Variants in PLCB1 observed in about 807,000 individuals in gnomAD.
The protein encoded by PLCB1 is phospholipase C beta 1, also known as 1-phosphatidylinositol 4,5-bisphosphate phosphodiesterase beta-1.
In PLCB1, 46 loss-of-function variants were observed where a neutral mutation model predicts 161.8. That is an observed-to-expected ratio of 0.28 (90% CI 0.22 to 0.36). The LOEUF is 0.36. PLCB1 is among the 10% of genes least tolerant of loss of function. The pLI, the probability that PLCB1 is intolerant of heterozygous loss-of-function variation, is 1.00. For synonymous variants in PLCB1, 517 were observed against 503.7 expected (o/e 1.03, Z -0.35); for missense variants, 1,016 against 1,472.5 (o/e 0.69, Z 5.07).
At chr20:8,625,780 C>G (rs879717088) in intron 3 of PLCB1, among the ~76,000 whole-genome samples, 1 of 152,140 alleles carries the variant, frequency 6.6e-6, no homozygotes, top group Non-Finnish European at 1.5e-5. Context: ...TCCTCAAATA[C>G]TTACCCTTCA....
intron 31 of PLCB1, among the ~76,000 whole-genome samples, chr20:8,856,555 T>C (rs966020279): frequency 6.6e-6 from 1 of 151,340 alleles, no homozygotes; most frequent in East Asian, 2.0e-4. Context: ...AGGTGGAGTT[T>C]ACAGTGAGCC....
chr20:8,557,161 G>A (rs1040337636), intron 3 of PLCB1, among the ~76,000 whole-genome samples: 1 of 151,628 alleles, frequency 6.6e-6, no homozygotes, highest in Non-Finnish European at 1.5e-5. Context: ...AATAAACATA[G>A]AGTTACCATA....
chr20:8,513,438 A>G (rs1983976748), intron 3 of PLCB1, among the ~76,000 whole-genome samples: 1 of 152,258 alleles, frequency 6.6e-6, no homozygotes, highest in African/African-American at 2.4e-5. Context: ...GTAAAGTTGC[A>G]ATAAGACAAA....
intron 2 of PLCB1, among the ~76,000 whole-genome samples, chr20:8,258,847 T>C (rs1446359774): frequency 6.6e-6 from 1 of 152,162 alleles, no homozygotes; most frequent in African/African-American, 2.4e-5. Flanking sequence ...TACCTGTATG[T>C]GTCTACAGTT....
At chr20:8,562,771 T>C (rs1219301916) in intron 3 of PLCB1, among the ~76,000 whole-genome samples, 1 of 152,088 alleles carries the variant, frequency 6.6e-6, no homozygotes, top group Non-Finnish European at 1.5e-5. Context: ...ATCTTAACAT[T>C]AATAATACCT....
chr20:8,863,545 T>C (rs755469939), intron 31 of PLCB1, among the ~76,000 whole-genome samples: 1 of 152,230 alleles, frequency 6.6e-6, no homozygotes, highest in African/African-American at 2.4e-5. Flanking sequence ...AGGGTGAGCC[T>C]GAGAACATGT....
intron 30 of PLCB1, 57 bp downstream of exon 30, chr20:8,789,632 C>A: frequency 7.7e-7 from 1 of 1,294,742 alleles, no homozygotes; most frequent in Non-Finnish European, 1.1e-6. Flanking sequence ...ATTTGGTGAG[C>A]TCGCTGTGAG....
intron 9 of PLCB1, among the ~76,000 whole-genome samples, chr20:8,658,927 A>G (rs1989546253): frequency 6.6e-6 from 1 of 152,172 alleles, no homozygotes; most frequent in Non-Finnish European, 1.5e-5. Context: ...TGCATGTAAC[A>G]TATTTTTAAA....
At chr20:8,793,114 G>A (rs1411673762) in intron 31 of PLCB1, among the ~76,000 whole-genome samples, 2 of 152,080 alleles carry the variant, frequency 1.3e-5, no homozygotes, top group Non-Finnish European at 2.9e-5. Context: ...AACAAAACAA[G>A]GAACAACCCA....
intron 2 of PLCB1, among the ~76,000 whole-genome samples, chr20:8,224,379 TTAAAG>T (rs5840257): frequency 0.39 from 59,564 of 151,626 alleles, 13,207 homozygotes; most frequent in East Asian, 0.59. Flanking sequence ...GACCTAAACA[TTAAAG>T]TATTTTGCTT....
chr20:8,488,980 TAAG>T lies in PLCB1; in HGVS notation c.246+117535_246+117537del, dbSNP rs1392328809. On this transcript the variant is annotated intron_variant, in intron 3 of 31. Transcript: ENST00000338037. Reference sequence around the variant, plus strand: ...CTGTTTAATCTCAGCAGTGGCATGTTAAGAAGACAAACGGAGATTAGGAAACAT... The same window carrying T: ...CTGTTTAATCTCAGCAGTGGCATGTTAAGACAAACGGAGATTAGGAAACAT... Among the ~76,000 whole-genome samples the T allele has an allele frequency of 4.6e-5, 7 of 152,320 alleles. No homozygotes were observed. The East Asian group carries it at 5.8e-4, about 13-fold the overall frequency.
chr20:8,771,937 A>G (rs1004812912), intron 26 of PLCB1, among the ~76,000 whole-genome samples: 4 of 149,578 alleles, frequency 2.7e-5, no homozygotes, highest in African/African-American at 9.9e-5. Flanking sequence ...GCTGGAGTGC[A>G]GTGGCATGAT....
chr20:8,773,593 G>A (rs749375219), intron 26 of PLCB1, among the ~76,000 whole-genome samples: 3 of 152,210 alleles, frequency 2.0e-5, no homozygotes, highest in African/African-American at 7.2e-5. Context: ...AGCTTTGTGT[G>A]GAAAGTGCCA....
At chr20:8,390,157 A>C (rs1034469753) in intron 3 of PLCB1, among the ~76,000 whole-genome samples, 1 of 152,178 alleles carries the variant, frequency 6.6e-6, no homozygotes, top group Non-Finnish European at 1.5e-5. Context: ...AGTGGCTTAA[A>C]GCTTAAACAA....
chr20:8,883,607 T>G lies in PLCB1; in HGVS notation c.*1758T>G, dbSNP rs1198362203. ...ATTTAATATTTTTATGAAAATTATT[T>G]TATTTAACTTTAAGCAATAACTAGA... On this transcript the variant is annotated 3_prime_UTR_variant, in exon 32 of 32. Transcript: ENST00000338037. 3.3e-5 allele frequency: 5 copies of G among 152,280 alleles called. No individual in the cohort carries two copies. The highest frequency in any genetic ancestry group is 2.0e-4 in the Admixed American group (3 of 15,248). The allele number at this position is 152,280 out of a possible 1,614,324, so 9.4% of individuals were successfully genotyped here.
chr20:8,840,528 G>C (rs1986462057), intron 31 of PLCB1, among the ~76,000 whole-genome samples: 1 of 152,216 alleles, frequency 6.6e-6, no homozygotes, highest in Admixed American at 6.5e-5. Context: ...TGGGACGTCT[G>C]TAGAGGGACT....
chr20:8,276,244 T>A (rs1307897731), intron 2 of PLCB1, among the ~76,000 whole-genome samples: 1 of 152,204 alleles, frequency 6.6e-6, no homozygotes, highest in Non-Finnish European at 1.5e-5. Flanking sequence ...CAGATCAACA[T>A]CTCCAGTTAA....
chr20:8,568,072 T>C (rs538885647), intron 3 of PLCB1, among the ~76,000 whole-genome samples: 18 of 152,302 alleles, frequency 1.2e-4, no homozygotes, highest in Admixed American at 1.1e-3. Flanking sequence ...GAATTTCTTC[T>C]TGTATTATCA....
At chr20:8,715,779 T>A (rs1361649452) in intron 12 of PLCB1, 1 of 153,282 alleles carries the variant, frequency 6.5e-6, no homozygotes, top group African/African-American at 2.4e-5. Context: ...GTTGTCTCTC[T>A]TTCCCTATTC....
Sources: gnomAD v4.1 joint callset for allele counts (sites outside exome capture counted in the v4.1 genomes callset) on GRCh38, gnomAD v4.1.1 for gene constraint, MANE v1.5 for transcripts, NCBI Gene and HGNC (gene_info 2026-07-23, HGNC 2026-07-21) for gene names.